The following F5 variants were observed in gnomAD, a reference collection of about 807,000 sequenced individuals.
F5 encodes activated protein c cofactor.
In F5, 138 loss-of-function variants were observed where a neutral mutation model predicts 216.4. That is an observed-to-expected ratio of 0.64 (90% confidence interval 0.56 to 0.73). The LOEUF (loss-of-function observed/expected upper bound fraction) is 0.73. Ranked by LOEUF, F5 falls within the 30% of genes least tolerant of loss-of-function variation. The probability of loss-of-function intolerance (pLI) is 0.00; values close to 1 mark genes in which losing one functional copy is unlikely to be tolerated. For missense variants in F5, 2,403 were observed against 2,674.0 expected (o/e 0.90, Z 2.24); for synonymous variants, 916 against 930.7 (o/e 0.98, Z 0.29).
chr1:169,520,639 G>C lies in F5; in HGVS notation c.6074C>G (p.Ser2025Cys), dbSNP rs766963697. The change falls in exon 22 of 25, where the codon TCT becomes TGT. Residue 2025 changes from serine to cysteine, a missense_variant. Around this residue, in one of 4 missense-constraint regions of F5, gnomAD observed 659 missense variants for 787.9 expected, o/e 0.84. Coordinates refer to ENST00000367797, the MANE Select transcript of F5 (RefSeq NM_000130.5). ...GTCAAACTGATTCTCTTTTATTGTA[G>C]AGGCATCTGAATTGCCATTAAAATA... ...VMYFNGNSDA[S>C]TIKENQFDPP... is the part of the protein sequence containing the mutation. 1 of 1,613,688 alleles carries C rather than the reference G, an allele frequency of 6.2e-7. No individual in the cohort carries two copies. Among genetic ancestry groups the C allele is most frequent in the Non-Finnish European group, 8.5e-7 (1 of 1,179,824 alleles).
rs1450880374 is a variant in F5 at position 169,525,797 on chromosome 1, A to G, written c.5716+104T>C. The G allele has an allele frequency of 8.1e-6, 7 of 862,598 alleles. No homozygotes were observed. In the Admixed American group the frequency reaches 1.2e-4, roughly 15 times the overall value. The allele number at this position is 862,598 out of a possible 1,614,324, so 53.4% of individuals were successfully genotyped here. ...TATGGCTACAAATTATGCCTTTGTC[A>G]CATCAGAGTTCTTAGAGTTGAATAT... On this transcript the variant is annotated intron_variant, in intron 18 of 24. Transcript: ENST00000367797.
At chr1:169,530,138 C>T (rs1659557337) in intron 15 of F5, among the ~76,000 whole-genome samples, 1 of 152,148 alleles carries the variant, frequency 6.6e-6, no homozygotes, top group Non-Finnish European at 1.5e-5. Flanking sequence ...TGACAACTAT[C>T]TTATATGGTA....
intron 17 of F5, among the ~76,000 whole-genome samples, chr1:169,526,543 A>G (rs1442215527): frequency 6.6e-5 from 10 of 152,202 alleles, no homozygotes; most frequent in African/African-American, 1.9e-4. Context: ...ACCTCTGGCT[A>G]TCCATTCTGG....
rs779956796 is a variant in F5, at chr1:169,559,183, CTG to C, written c.698_699del (p.Thr233SerfsTer18). 1 of 1,613,802 alleles carries C rather than the reference CTG, an allele frequency of 6.2e-7. No homozygotes were observed. Among genetic ancestry groups the C allele is most frequent in the Non-Finnish European group, 8.5e-7 (1 of 1,179,758 alleles). On this transcript the variant is annotated frameshift_variant, in exon 5 of 25. Coordinates refer to ENST00000367797, the MANE Select transcript of F5 (RefSeq NM_000130.5). LOFTEE classifies it high-confidence loss of function. Reference protein sequence around the residue: ...SWSQSSSLMYTVNGYVNGTMP... With the variant: ...SWSQSSSLMYXVNGYVNGTMP... Reference sequence around the variant, plus strand: ...ATTGTCCCATTCACATATCCATTGACTGTGTACATTAGGGATGATGACTGGCT... The same window carrying C: ...ATTGTCCCATTCACATATCCATTGACTGTACATTAGGGATGATGACTGGCT...
At chr1:169,537,453 G>A (rs192631234) in intron 13 of F5, among the ~76,000 whole-genome samples, 53 of 152,166 alleles carry the variant, frequency 3.5e-4, no homozygotes, top group Non-Finnish European at 5.7e-4. Flanking sequence ...ATTTGACCTC[G>A]AAAGTACAGG....
chr1:169,555,078 G>T, intron 7 of F5, 104 bp downstream of exon 7: 1 of 1,267,568 alleles, frequency 7.9e-7, no homozygotes, highest in Non-Finnish European at 1.2e-6. Context: ...ACCAATACAT[G>T]TGTCCCCTTG....
At chr1:169,549,765 C>A (rs990770714) in intron 10 of F5, 36 bp downstream of exon 10, 1 of 1,512,860 alleles carries the variant, frequency 6.6e-7, no homozygotes, top group Non-Finnish European at 9.2e-7. Context: ...AAGAAATTCT[C>A]AGAATTTCTG....
At chr1:169,533,626 C>A (rs1659638722) in intron 14 of F5, among the ~76,000 whole-genome samples, 1 of 151,992 alleles carries the variant, frequency 6.6e-6, no homozygotes, top group Non-Finnish European at 1.5e-5. Flanking sequence ...ATACAAATAG[C>A]CAACAAATGT....
chr1:169,525,920 TGGC>T lies in F5; in HGVS notation c.5694_5696del (p.Pro1899del). 6.2e-7 allele frequency: 1 copy of T among 1,612,994 alleles called. No homozygotes were observed. The highest frequency in any genetic ancestry group is 8.5e-7 in the Non-Finnish European group (1 of 1,179,132). On this transcript the variant is annotated inframe_deletion, in exon 18 of 25. Transcript: ENST00000367797. Reference sequence around the variant, plus strand: ...TGATACCTCTGTCCATGATAAGAAATGGCGTTTGCATCCCTGCTCTCTGGTTTT... The same window carrying T: ...TGATACCTCTGTCCATGATAAGAAATGTTTGCATCCCTGCTCTCTGGTTTT...
chr1:169,552,414 C>T, intron 8 of F5, 143 bp downstream of exon 8: 2 of 718,718 alleles, frequency 2.8e-6, no homozygotes, highest in Non-Finnish European at 4.5e-6. Context: ...TAAATAAATA[C>T]AAATACTAAA....
intron 3 of F5, among the ~76,000 whole-genome samples, chr1:169,563,617 T>G (rs2101834794): frequency 6.6e-6 from 1 of 152,238 alleles, no homozygotes; most frequent in Non-Finnish European, 1.5e-5. Flanking sequence ...CAGTGTTTGT[T>G]GTATTAGTGG....
chr1:169,548,257 G>A (rs549737318), intron 10 of F5, among the ~76,000 whole-genome samples: 2 of 152,048 alleles, frequency 1.3e-5, no homozygotes, highest in Non-Finnish European at 2.9e-5. Context: ...CTTAATACCT[G>A]GGTGATGAAG....
chr1:169,559,283 C>G lies in F5; in HGVS notation c.600G>C (p.Glu200Asp). ...LLICKKGTLT[E>D]GGTQKTFDKQ... ...TGTCAAACGTCTTCTGTGTCCCACC[C>G]TCAGTTAGGGTCCCTATGAAAGGAA... Residue 200 changes from glutamate (E) to aspartate (D), a missense_variant, in exon 5 of 25, where the codon GAG (glutamate) becomes GAC (aspartate). Around this residue, in one of 4 missense-constraint regions of F5, gnomAD observed 1,425 missense variants for 1,554.8 expected, o/e 0.92. Transcript: ENST00000367797. The G allele has an allele frequency of 1.2e-6, 2 of 1,613,724 alleles. No individual in the cohort carries two copies.
rs1659061894 is a variant in F5 at position 169,512,847 on chromosome 1, G to GTGGTC, written c.*1461_*1465dup. Among the ~76,000 whole-genome samples the GTGGTC allele has an allele frequency of 6.6e-6, 1 of 152,184 alleles. No individual in the cohort carries two copies. The highest frequency in any genetic ancestry group is 2.4e-5 in the African/African-American group (1 of 41,548). ...CCCAGTGAATTATGCCTCCTGGTATGTGGTCCTTATGCAGTTCCCTTCTAC... is the reference window on the plus strand; with the variant it reads ...CCCAGTGAATTATGCCTCCTGGTATGTGGTCTGGTCCTTATGCAGTTCCCTTCTAC... On this transcript the variant is annotated 3_prime_UTR_variant, in exon 25 of 25. Coordinates refer to ENST00000367797, the MANE Select transcript of F5 (RefSeq NM_000130.5).
intron 2 of F5, among the ~76,000 whole-genome samples, chr1:169,575,149 C>T (rs35902866): frequency 0.37 from 55,980 of 151,998 alleles, 10,603 homozygotes; most frequent in Admixed American, 0.42. Flanking sequence ...TGGGGAATCC[C>T]TTCCCGAGGA....
At position 169,560,703 on chromosome 1, in the gene F5, C is replaced by A. The variant is rs145625079; in HGVS notation, c.437G>T (p.Arg146Leu). 5.0e-6 allele frequency: 8 copies of A among 1,613,572 alleles called. No homozygotes were observed. In the Admixed American group the frequency reaches 1.2e-4, roughly 24 times the overall value. The stretch of plus-strand genomic sequence containing the variant: ...GATACTCCATTCATAGGTGTATTCT[C>A]GGCCTGGAGCCACAGCGTCGTCCAT... Reference protein sequence around the residue: ...EKMDDAVAPGREYTYEWSISE... With the variant: ...EKMDDAVAPGLEYTYEWSISE... Residue 146 changes from arginine (R) to leucine (L), a missense_variant, in exon 4 of 25, where the codon CGA becomes CTA. Arg to Leu is a moderately radical substitution (Grantham distance 102). Transcript: ENST00000367797.
intron 3 of F5, among the ~76,000 whole-genome samples, chr1:169,561,223 G>A (rs1660477641): frequency 6.6e-6 from 1 of 152,038 alleles, no homozygotes; most frequent in Non-Finnish European, 1.5e-5. Context: ...CTTTCCAACT[G>A]CTGTGATCCT....
chr1:169,541,671 G>A lies in F5; in HGVS notation c.3419C>T (p.Ser1140Phe). Residue 1140 changes from serine to phenylalanine, a missense_variant, in exon 13 of 25, where the codon TCT (serine) becomes TTT (phenylalanine). Ser to Phe is a radical substitution (Grantham distance 155). This residue lies in a region of F5 where 1,425 missense variants were observed against 1,554.8 expected (regional missense o/e 0.92). Coordinates refer to ENST00000367797, the MANE Select transcript of F5 (RefSeq NM_000130.5). ...GGATCTGTGACTGGGGTCTGAAGTA[G>A]AGTGCATTTGATCAGGGTCTTGAAT... is the stretch of plus-strand genomic sequence containing the variant. ...FPIQDPDQMHSTSDPSHRSSS... is the reference protein window; with the variant it reads ...FPIQDPDQMHFTSDPSHRSSS... 6.2e-7 allele frequency: 1 copy of A among 1,614,154 alleles called. No homozygotes were observed. Among genetic ancestry groups the A allele is most frequent in the Non-Finnish European group, 8.5e-7 (1 of 1,180,006 alleles).
chr1:169,513,574 A>G lies in F5; in HGVS notation c.*739T>C, dbSNP rs764791640. Among the ~76,000 whole-genome samples the G allele has an allele frequency of 2.6e-5, 4 of 152,116 alleles. No homozygotes were observed. The highest frequency in any genetic ancestry group is 5.9e-5 in the Non-Finnish European group (4 of 67,994). ...TCCCATGCTCTGTTTTACAGGTCTG[A>G]GCTTTCCAGTAGGTGAAATTATGTT... On this transcript the variant is annotated 3_prime_UTR_variant, in exon 25 of 25. Coordinates refer to ENST00000367797, the MANE Select transcript of F5 (RefSeq NM_000130.5).
Sources: allele counts gnomAD v4.1 joint callset (sites outside exome capture counted in the v4.1 genomes callset), GRCh38; gene constraint gnomAD v4.1.1; regional missense constraint gnomAD v4.1.1; transcripts MANE v1.5; gene names NCBI Gene and HGNC (gene_info 2026-07-23, HGNC 2026-07-21).